Variants in SNTB1 observed in about 807,000 individuals in gnomAD.
SNTB1 encodes the protein beta-1-syntrophin.
SNTB1 carries 36 observed loss-of-function variants against 48.9 expected under a neutral mutation model. That is an observed-to-expected ratio of 0.74 (90% CI 0.56 to 0.97). SNTB1 has a LOEUF of 0.97. Among genes scored for constraint, SNTB1 ranks in the 50% least tolerant of loss-of-function variants. The probability of loss-of-function intolerance (pLI) is 0.00; values close to 1 mark genes in which losing one functional copy is unlikely to be tolerated. For synonymous variants in SNTB1, 299 were observed against 294.6 expected, an observed-to-expected ratio of 1.01 and a Z score of -0.15; for missense variants, 786 against 703.4, an observed-to-expected ratio of 1.12 and a Z score of -1.33.
At chr8:120,795,399 A>G (rs1181197161) in intron 1 of SNTB1, among the ~76,000 whole-genome samples, 2 of 152,054 alleles carry the variant, frequency 1.3e-5, no homozygotes, top group Admixed American at 6.6e-5. Flanking sequence ...AACACAAATT[A>G]ATCTGAACAA....
chr8:120,657,407 G>A lies in SNTB1; in HGVS notation c.789-24756C>T, dbSNP rs74524609. Among the ~76,000 whole-genome samples, 55 of 152,214 alleles carry A rather than the reference G, an allele frequency of 3.6e-4. No homozygotes were observed. In the East Asian group the frequency reaches 7.7e-3, roughly 21 times the overall value. ...AGGCCAACTTTGATTAAATGGTAGC[G>A]GTTGCCTGAAATGATGTCTTGAAAG... is the stretch of plus-strand genomic sequence containing the variant. On this transcript the variant is annotated intron_variant, in intron 2 of 6. Transcript: ENST00000517992.
chr8:120,737,725 T>A (rs1407802827), intron 1 of SNTB1, among the ~76,000 whole-genome samples: 1 of 152,178 alleles, frequency 6.6e-6, no homozygotes, highest in Admixed American at 6.5e-5. Context: ...TACCTTGCAA[T>A]GCAAACCTCA....
chr8:120,673,062 C>T (rs1004458610), intron 2 of SNTB1, among the ~76,000 whole-genome samples: 3 of 152,190 alleles, frequency 2.0e-5, no homozygotes, highest in Non-Finnish European at 2.9e-5. Context: ...AGTGGCTCTG[C>T]ACCCTGGATG....
chr8:120,634,533 C>G (rs1024114421), intron 2 of SNTB1, among the ~76,000 whole-genome samples: 22 of 152,170 alleles, frequency 1.4e-4, no homozygotes, highest in Middle Eastern at 3.2e-3. Context: ...AATTTAAATA[C>G]TATACCACGA....
chr8:120,770,766 T>C (rs1028243153), intron 1 of SNTB1, among the ~76,000 whole-genome samples: 2 of 152,170 alleles, frequency 1.3e-5, no homozygotes, highest in African/African-American at 4.8e-5. Context: ...TGAGCCGAGA[T>C]TGTGGCATTG....
chr8:120,701,976 A>T (rs78481410), intron 1 of SNTB1, among the ~76,000 whole-genome samples: 1 of 152,244 alleles, frequency 6.6e-6, no homozygotes, highest in East Asian at 1.9e-4. Context: ...TGATTCTTCA[A>T]CAAAGCAAGA....
Position 120,538,404 on chromosome 8 carries a change from A to G in SNTB1, c.*473T>C, listed in dbSNP as rs1815232263. 4.9e-6 allele frequency: 1 copy of G among 204,802 alleles called. No homozygotes were observed. Among genetic ancestry groups the G allele is most frequent in the Admixed American group, 4.9e-5 (1 of 20,548 alleles). The allele number at this position is 204,802 out of a possible 1,614,324, so 12.7% of individuals were successfully genotyped here. ...TCCTACAAGGGAAAGTCAACTCAGC[A>G]AGAATTAGGAAATAAATCACAATAA... On this transcript the variant is annotated 3_prime_UTR_variant, in exon 7 of 7. Coordinates refer to ENST00000517992, the MANE Select transcript of SNTB1 (RefSeq NM_021021.4).
chr8:120,584,536 T>C (rs1816106256), intron 3 of SNTB1, among the ~76,000 whole-genome samples: 1 of 151,834 alleles, frequency 6.6e-6, no homozygotes, highest in Non-Finnish European at 1.5e-5. Flanking sequence ...TTGAGTCATT[T>C]AAAGCTGGTG....
At chr8:120,754,445 C>G (rs1819279081) in intron 1 of SNTB1, among the ~76,000 whole-genome samples, 1 of 151,990 alleles carries the variant, frequency 6.6e-6, no homozygotes, top group Admixed American at 6.6e-5. Flanking sequence ...GATTGTGCCA[C>G]TGCACTCCAA....
intron 4 of SNTB1, among the ~76,000 whole-genome samples, chr8:120,561,333 A>G (rs1815655090): frequency 1.8e-5 from 2 of 113,020 alleles, no homozygotes; most frequent in Non-Finnish European, 3.5e-5. Context: ...AAAAAAAAAA[A>G]AAAAAAAGAA....
rs1815228675 is a variant in SNTB1 at position 120,538,136 on chromosome 8, C to T, written c.*741G>A. Reference sequence around the variant, plus strand: ...GTGTGAGTATAGTCCCAGAATTAATCATCCTTTGTGCATACAACTCTTTAG... The same window carrying T: ...GTGTGAGTATAGTCCCAGAATTAATTATCCTTTGTGCATACAACTCTTTAG... On this transcript the variant is annotated 3_prime_UTR_variant, in exon 7 of 7. Coordinates refer to ENST00000517992, the MANE Select transcript of SNTB1 (RefSeq NM_021021.4). 1 of 153,754 alleles carries T rather than the reference C, an allele frequency of 6.5e-6. No individual in the cohort carries two copies. The highest frequency in any genetic ancestry group is 6.4e-5 in the Admixed American group (1 of 15,640). 9.5% of individuals were successfully genotyped at this position (153,754 alleles called of 1,614,324 possible). A position where few individuals can be genotyped will look rare whatever the true frequency, so the allele number is the denominator to read the frequency against.
intron 1 of SNTB1, among the ~76,000 whole-genome samples, chr8:120,779,066 A>G (rs1263854399): frequency 2.0e-5 from 3 of 152,200 alleles, no homozygotes; most frequent in South Asian, 4.1e-4. Context: ...TTGAGTAAAG[A>G]GCAGTGGGCA....
At chr8:120,775,927 C>T (rs1021890977) in intron 1 of SNTB1, among the ~76,000 whole-genome samples, 1 of 152,086 alleles carries the variant, frequency 6.6e-6, no homozygotes. Context: ...GGTACATGTG[C>T]ACAACGTGCA....
At chr8:120,670,655 C>A (rs1817744030) in intron 2 of SNTB1, among the ~76,000 whole-genome samples, 1 of 152,160 alleles carries the variant, frequency 6.6e-6, no homozygotes, top group Non-Finnish European at 1.5e-5. Context: ...CAAATTAAAA[C>A]TCTCCTGGGG....
chr8:120,607,413 T>A (rs959815903), intron 3 of SNTB1, among the ~76,000 whole-genome samples: 41 of 123,546 alleles, frequency 3.3e-4, no homozygotes, highest in Non-Finnish European at 4.9e-4. Context: ...TGGCTTTTTT[T>A]AAAAAAGTAT....
intron 1 of SNTB1, among the ~76,000 whole-genome samples, chr8:120,697,303 TA>T (rs1251517126): frequency 2.6e-5 from 4 of 152,206 alleles, no homozygotes. Flanking sequence ...CTGCATATAG[TA>T]ATCCTTTTAA....
chr8:120,796,637 T>C (rs556196501), intron 1 of SNTB1, among the ~76,000 whole-genome samples: 7 of 152,118 alleles, frequency 4.6e-5, no homozygotes, highest in Non-Finnish European at 1.0e-4. Flanking sequence ...GAGACTTATA[T>C]TAAAGCTTCT....
At chr8:120,757,897 C>T (rs543654192) in intron 1 of SNTB1, among the ~76,000 whole-genome samples, 41 of 152,158 alleles carry the variant, frequency 2.7e-4, no homozygotes, top group African/African-American at 4.8e-4. Flanking sequence ...CCATGTTTTT[C>T]GCTAAGTGGG....
chr8:120,564,564 G>GTTTTTTTTTTTTTTTTT (rs71306893), intron 4 of SNTB1, among the ~76,000 whole-genome samples: 1 of 84,214 alleles, frequency 1.2e-5, no homozygotes, highest in East Asian at 3.8e-4. Flanking sequence ...TATTATTCTG[G>GTTTTTTTTTTTTTTTTT]TTTTTTTTTT....
Sources: gnomAD v4.1 joint callset for allele counts (sites outside exome capture counted in the v4.1 genomes callset) on GRCh38, gnomAD v4.1.1 for gene constraint, MANE v1.5 for transcripts, NCBI Gene and HGNC (gene_info 2026-07-23, HGNC 2026-07-21) for gene names.